SLC25A12: variants seen among roughly 807,000 people sequenced by gnomAD.
SLC25A12 encodes solute carrier family 25 member 12, also known as electrogenic aspartate/glutamate antiporter SLC25A12, mitochondrial.
Under a neutral mutation model 83.3 loss-of-function variants are expected in SLC25A12, and 32 were observed. The ratio of observed to expected loss-of-function variants is 0.38; its 90% CI spans 0.29 to 0.52. The LOEUF (loss-of-function observed/expected upper bound fraction) is 0.52. SLC25A12 is among the 20% of genes least tolerant of loss of function. The pLI, the probability that SLC25A12 is intolerant of heterozygous loss-of-function variation, is 0.84. For synonymous variants in SLC25A12, 267 were observed against 291.1 expected (o/e 0.92, Z 0.84); for missense variants, 611 against 835.6 (o/e 0.73, Z 3.31).
chr2:171,855,375 C>CACTA (rs67237521), intron 4 of SLC25A12, among the ~76,000 whole-genome samples: 151,764 of 152,216 alleles, frequency 1, 75,659 homozygotes, highest in Middle Eastern at 1. Context: ...GTTCAGAGAA[C>CACTA]ACTAATTTTG....
chr2:171,856,650 A>C, intron 3 of SLC25A12: 1 of 152,218 alleles, frequency 6.6e-6, no homozygotes, highest in East Asian at 1.9e-4. Context: ...ATTTTATTAT[A>C]TGTGCTGCTG....
intron 2 of SLC25A12, among the ~76,000 whole-genome samples, chr2:171,871,486 T>C (rs1685455147): frequency 6.6e-6 from 1 of 151,940 alleles, no homozygotes; most frequent in African/African-American, 2.4e-5. Flanking sequence ...GGAGAATCAC[T>C]TGAATTTGTA....
chr2:171,846,351 T>C (rs956008443), intron 4 of SLC25A12, among the ~76,000 whole-genome samples: 1 of 152,094 alleles, frequency 6.6e-6, no homozygotes, highest in Non-Finnish European at 1.5e-5. Flanking sequence ...AATTATTTGA[T>C]AATAAATGTA....
intron 13 of SLC25A12, among the ~76,000 whole-genome samples, chr2:171,801,527 A>G (rs1488017710): frequency 6.6e-6 from 1 of 152,226 alleles, no homozygotes; most frequent in Non-Finnish European, 1.5e-5. Context: ...AATATTATAT[A>G]TAAACACATA....
chr2:171,855,003 A>G (rs550888398), intron 4 of SLC25A12, among the ~76,000 whole-genome samples: 4 of 152,346 alleles, frequency 2.6e-5, no homozygotes, highest in African/African-American at 9.6e-5. Flanking sequence ...ACTAAACTGT[A>G]CATTTAAAAT....
At chr2:171,852,429 T>C (rs571258682) in intron 4 of SLC25A12, among the ~76,000 whole-genome samples, 2 of 152,338 alleles carry the variant, frequency 1.3e-5, no homozygotes, top group East Asian at 1.9e-4. Flanking sequence ...GAGATGCTGA[T>C]AGCATAACAG....
chr2:171,834,147 C>T (rs1332235323), intron 7 of SLC25A12, 91 bp from the exon 8 acceptor site: 1 of 755,544 alleles, frequency 1.3e-6, no homozygotes, highest in Non-Finnish European at 2.4e-6. Flanking sequence ...AACCTGAAAG[C>T]TATAGGCATT....
At chr2:171,799,071 T>C (rs1310888238) in intron 13 of SLC25A12, among the ~76,000 whole-genome samples, 1 of 151,654 alleles carries the variant, frequency 6.6e-6, no homozygotes, top group African/African-American at 2.4e-5. Context: ...GCAAGGTACA[T>C]GCAAGCACAC....
chr2:171,858,044 A>G (rs959507753), intron 3 of SLC25A12, among the ~76,000 whole-genome samples: 1 of 152,128 alleles, frequency 6.6e-6, no homozygotes. Context: ...AATTGCCTTC[A>G]GTGACCTTAC....
chr2:171,866,549 C>T (rs1298143197), intron 3 of SLC25A12, among the ~76,000 whole-genome samples: 1 of 141,838 alleles, frequency 7.1e-6, no homozygotes, highest in Non-Finnish European at 1.6e-5. Context: ...GCAGAGGCGC[C>T]CCTCACCTCC....
At chr2:171,863,832 G>C (rs908995953) in intron 3 of SLC25A12, among the ~76,000 whole-genome samples, 3 of 152,130 alleles carry the variant, frequency 2.0e-5, no homozygotes, top group Non-Finnish European at 2.9e-5. Flanking sequence ...ATTATTGAAA[G>C]ATCCTATGAG....
intron 4 of SLC25A12, among the ~76,000 whole-genome samples, chr2:171,853,097 C>G (rs1479239789): frequency 6.6e-6 from 1 of 152,108 alleles, no homozygotes; most frequent in Non-Finnish European, 1.5e-5. Context: ...CTCAAGAGAT[C>G]CTCCCATTTC....
At chr2:171,812,721 T>C (rs780777930) in intron 11 of SLC25A12, among the ~76,000 whole-genome samples, 1 of 151,428 alleles carries the variant, frequency 6.6e-6, no homozygotes, top group African/African-American at 2.4e-5. Flanking sequence ...CGAAAGAAAA[T>C]CTCTCTGTTT....
chr2:171,874,355 G>A (rs1685520353), intron 2 of SLC25A12, among the ~76,000 whole-genome samples: 1 of 152,040 alleles, frequency 6.6e-6, no homozygotes, highest in African/African-American at 2.4e-5. Context: ...TTGCACCAAT[G>A]CACTCCAGCC....
At chr2:171,815,640 TAAATC>T (rs1684036793) in intron 9 of SLC25A12, among the ~76,000 whole-genome samples, 2 of 152,316 alleles carry the variant, frequency 1.3e-5, no homozygotes, top group South Asian at 2.1e-4. Flanking sequence ...ACTTGATTCT[TAAATC>T]AGAGAATATT....
At position 171,855,837 on chromosome 2, in the gene SLC25A12, A is replaced by T; in HGVS notation, c.322T>A (p.Phe108Ile). 1.3e-6 allele frequency: 2 copies of T among 1,574,728 alleles called. No homozygotes were observed. Among genetic ancestry groups the T allele is most frequent in the Non-Finnish European group, 1.7e-6 (2 of 1,144,002 alleles). ...FDKSGNGEVT[F>I]ENVKEIFGQT... The stretch of plus-strand genomic sequence containing the variant: ...TATAATCTTCTTTTTCCCTTACCAA[A>T]TGTCACCTCTCCATTTCCACTCTTG... Residue 108 changes from phenylalanine to isoleucine, a missense_variant, in exon 4 of 18, where the codon TTT becomes ATT. Around this residue, in one of 3 missense-constraint regions of SLC25A12, gnomAD observed 540 missense variants for 777.5 expected, o/e 0.69. Transcript: ENST00000422440.
chr2:171,834,614 T>C, intron 7 of SLC25A12, 113 bp downstream of exon 7: 1 of 1,207,458 alleles, frequency 8.3e-7, no homozygotes, highest in East Asian at 2.4e-5. Context: ...ATACACATGG[T>C]AACATACTTT....
At position 171,787,911 on chromosome 2, in the gene SLC25A12, A is replaced by C; in HGVS notation, c.1622T>G (p.Val541Gly). The change falls in exon 16 of 18, where the codon GTC becomes GGC. Residue 541 changes from valine (V) to glycine (G), a missense_variant. This residue lies in a region of SLC25A12 where 540 missense variants were observed against 777.5 expected (regional missense o/e 0.69). Coordinates refer to ENST00000422440, the MANE Select transcript of SLC25A12 (RefSeq NM_003705.5). ...AGCCACCTGCAGTCTTGTCTTGATG[A>C]CATCAGCAGGGGTCACCAGAGATGC... The part of the protein sequence containing the change: ...PAASLVTPAD[V>G]IKTRLQVAAR... 6.2e-7 allele frequency: 1 copy of C among 1,614,232 alleles called. No individual in the cohort carries two copies. Among genetic ancestry groups the C allele is most frequent in the Non-Finnish European group, 8.5e-7 (1 of 1,180,038 alleles).
intron 2 of SLC25A12, among the ~76,000 whole-genome samples, chr2:171,887,930 A>C (rs1049076720): frequency 1.2e-4 from 19 of 152,190 alleles, no homozygotes; most frequent in African/African-American, 3.6e-4. Flanking sequence ...AAAACTTGAG[A>C]AGCAATGAAC....
Sources: gnomAD v4.1 joint callset for allele counts (sites outside exome capture counted in the v4.1 genomes callset) on GRCh38, gnomAD v4.1.1 for gene constraint, gnomAD v4.1.1 regional missense constraint, MANE v1.5 for transcripts, NCBI Gene and HGNC (gene_info 2026-07-23, HGNC 2026-07-21) for gene names.